Variants in LSM14A observed in about 807,000 individuals in gnomAD.
The protein encoded by LSM14A is protein LSM14 homolog A.
LSM14A carries 14 observed loss-of-function variants against 52.4 expected under a neutral mutation model. The observed-to-expected ratio is 0.27, with a 90% confidence interval of 0.18 to 0.42. The LOEUF (loss-of-function observed/expected upper bound fraction) is 0.42, where lower values mean the gene tolerates loss of function less well. Among genes scored for constraint, LSM14A ranks in the 10% least tolerant of loss-of-function variants. The probability of loss-of-function intolerance (pLI) is 1.00; values close to 1 mark genes in which losing one functional copy is unlikely to be tolerated. For synonymous variants in LSM14A, 185 were observed against 200.3 expected, an observed-to-expected ratio of 0.92 and a Z score of 0.64; for missense variants, 417 against 581.8, an observed-to-expected ratio of 0.72 and a Z score of 2.91.
chr19:34,196,662 T>G lies in LSM14A; in HGVS notation c.314T>G (p.Phe105Cys). ...TCACTAGGCTCATCGACTTCTTCAT[T>G]CCAGTCCATGGGTTCTTATGGACCT... ...QSSLGSSTSS[F>C]QSMGSYGPFG... The change falls in exon 3 of 10, where the codon TTC becomes TGC. Residue 105 changes from phenylalanine to cysteine, a missense_variant. Transcript: ENST00000544216. 1 of 1,612,414 alleles carries G rather than the reference T, an allele frequency of 6.2e-7. No individual in the cohort carries two copies. Among genetic ancestry groups the G allele is most frequent in the South Asian group, 1.1e-5 (1 of 90,726 alleles).
Position 34,196,717 on chromosome 19 carries a change from C to G in LSM14A, c.369C>G (p.Phe123Leu). 1 of 1,613,428 alleles carries G rather than the reference C, an allele frequency of 6.2e-7. No individual in the cohort carries two copies. Among genetic ancestry groups the G allele is most frequent in the Non-Finnish European group, 8.5e-7 (1 of 1,179,856 alleles). Reference sequence around the variant, plus strand: ...GCAGGATGCCCACATACAGTCAGTTCAGTCCGAGTTCCTTAGTTGGGCAGC... The same window carrying G: ...GCAGGATGCCCACATACAGTCAGTTGAGTCCGAGTTCCTTAGTTGGGCAGC... Reference protein sequence around the residue: ...PFGRMPTYSQFSPSSLVGQQF... With the variant: ...PFGRMPTYSQLSPSSLVGQQF... The change falls in exon 3 of 10, where the codon TTC becomes TTG. Residue 123 changes from phenylalanine to leucine, a missense_variant. Phe to Leu is a conservative substitution (Grantham distance 22). Transcript: ENST00000544216.
rs777688976 is a variant in LSM14A at position 34,194,672 on chromosome 19, A to G, written c.285+31A>G. ...TGATGGTAAATTTGTCTTGGAGTAC[A>G]GGTAAACTCCGCACAGGGTTAGCCT... is the stretch of plus-strand genomic sequence containing the variant. On this transcript the variant is annotated intron_variant, in intron 2 of 9. Coordinates refer to ENST00000544216, the MANE Select transcript of LSM14A (RefSeq NM_015578.4). The G allele has an allele frequency of 6.2e-6, 10 of 1,609,206 alleles. No homozygotes were observed. The African/African-American group carries it at 1.2e-4, about 19-fold the overall frequency.
rs71165635 is a variant in LSM14A at position 34,227,790 on chromosome 19, T to TTGTGTG, written c.*436_*441dup. 3,029 of 152,398 alleles carry TTGTGTG rather than the reference T, an allele frequency of 0.02. 46 individuals are homozygous for TTGTGTG. The highest frequency in any genetic ancestry group is 0.032 in the African/African-American group (1,161 of 36,554). 9.4% of individuals were successfully genotyped at this position (152,398 alleles called of 1,614,324 possible). Reference sequence around the variant, plus strand: ...ATACTGTGTTTTGAGCCACAGAAGGTTGTGTGTGTGTGTGTGTGTGTGTGT... The same window carrying TTGTGTG: ...ATACTGTGTTTTGAGCCACAGAAGGTTGTGTGTGTGTGTGTGTGTGTGTGTGTGTGT... On this transcript the variant is annotated 3_prime_UTR_variant, in exon 10 of 10. Coordinates refer to ENST00000544216, the MANE Select transcript of LSM14A (RefSeq NM_015578.4).
At chr19:34,198,904 G>A (rs1205331752) in intron 3 of LSM14A, among the ~76,000 whole-genome samples, 3 of 151,850 alleles carry the variant, frequency 2.0e-5, no homozygotes, top group Admixed American at 6.5e-5. Flanking sequence ...GGAGCATGGC[G>A]TGAACCCAGG....
chr19:34,180,301 G>A (rs1477586453), intron 1 of LSM14A, among the ~76,000 whole-genome samples: 2 of 152,154 alleles, frequency 1.3e-5, no homozygotes, highest in African/African-American at 2.4e-5. Context: ...GTTTTGTAGG[G>A]TTTTTTGTTT....
intron 9 of LSM14A, chr19:34,226,342 T>C: frequency 1.4e-6 from 2 of 1,421,650 alleles, no homozygotes; most frequent in African/African-American, 2.9e-5. Context: ...TTTCATTTTC[T>C]CCTTTCTCCC....
chr19:34,226,382 T>C, intron 9 of LSM14A: 2 of 1,439,428 alleles, frequency 1.4e-6, no homozygotes, highest in Admixed American at 2.5e-5. Context: ...TCTCTTTTTT[T>C]TTTTTTTTTT....
Position 34,221,349 on chromosome 19 carries a change from T to G in LSM14A, c.1137-158T>G, listed in dbSNP as rs1282534953. ...CCGCCCCCTCGGCCTCCCAAAGTGCTGGGATTACAGGCGTGAGCCATCACG... is the reference window on the plus strand; with the variant it reads ...CCGCCCCCTCGGCCTCCCAAAGTGCGGGGATTACAGGCGTGAGCCATCACG... On this transcript the variant is annotated intron_variant, in intron 8 of 9. Transcript: ENST00000544216. 6 of 819,188 alleles carry G rather than the reference T, an allele frequency of 7.3e-6. No individual in the cohort carries two copies. In the South Asian group the frequency reaches 1.0e-4, roughly 14 times the overall value. The allele number at this position is 819,188 out of a possible 1,614,324, so 50.7% of individuals were successfully genotyped here.
Position 34,172,569 on chromosome 19 carries a change from G to A in LSM14A, c.-74G>A, listed in dbSNP as rs1273047469. The A allele has an allele frequency of 4.2e-6, 6 of 1,432,106 alleles. No individual in the cohort carries two copies. Among genetic ancestry groups the A allele is most frequent in the Non-Finnish European group, 9.2e-7 (1 of 1,090,804 alleles). 88.7% of individuals were successfully genotyped at this position (1,432,106 alleles called of 1,614,324 possible). ...TGCTGTAGGCGCCGACGGAGCGAGCGGGCGTGCGGAGCGGGCGACAGTGGC... is the reference window on the plus strand; with the variant it reads ...TGCTGTAGGCGCCGACGGAGCGAGCAGGCGTGCGGAGCGGGCGACAGTGGC... On this transcript the variant is annotated 5_prime_UTR_variant, in exon 1 of 10. Transcript: ENST00000544216.
intron 6 of LSM14A, among the ~76,000 whole-genome samples, chr19:34,217,912 A>G (rs1164474045): frequency 1.3e-5 from 2 of 151,682 alleles, no homozygotes; most frequent in Admixed American, 1.3e-4. Context: ...ACCCCACCAA[A>G]GAGGTTCATT....
chr19:34,219,706 A>G lies in LSM14A; in HGVS notation c.965A>G (p.Glu322Gly). The change falls in exon 8 of 10, where the codon GAA (glutamate) becomes GGA (glycine). Residue 322 changes from glutamate to glycine, a missense_variant and splice_region_variant. This residue lies in a region of LSM14A where 357 missense variants were observed against 457.0 expected (regional missense o/e 0.78). Coordinates refer to ENST00000544216, the MANE Select transcript of LSM14A (RefSeq NM_015578.4). The part of the protein sequence containing the change: ...REFHNKLKLK[E>G]DKLEKQEKPV... ...TTCTGATATGTGCTTTTGTTCTTAG[A>G]AGATAAACTTGAGAAACAGGAGAAG... 1 of 1,604,500 alleles carries G rather than the reference A, an allele frequency of 6.2e-7. No homozygotes were observed. The highest frequency in any genetic ancestry group is 8.5e-7 in the Non-Finnish European group (1 of 1,177,414).
chr19:34,182,252 T>G (rs191746399), intron 1 of LSM14A, among the ~76,000 whole-genome samples: 4 of 152,362 alleles, frequency 2.6e-5, no homozygotes, highest in East Asian at 3.9e-4. Context: ...ACAAATTTTC[T>G]TAGTGAACCT....
At position 34,178,177 on chromosome 19, in the gene LSM14A, CAAAAT is replaced by C. The variant is rs1297985282; in HGVS notation, c.121+5417_121+5421del. The stretch of plus-strand genomic sequence containing the variant: ...CTCTGTCTCAAAAAAAAAAAAAACA[CAAAAT>C]AATAATAATAATCTGTTTTCTCTTT... On this transcript the variant is annotated intron_variant, in intron 1 of 9. Transcript: ENST00000544216. Among the ~76,000 whole-genome samples the C allele has an allele frequency of 8.1e-4, 92 of 114,240 alleles. 1 individual carries two copies. Among genetic ancestry groups the C allele is most frequent in the African/African-American group, 2.8e-3 (82 of 29,310 alleles). 74.9% of individuals were successfully genotyped at this position (114,240 alleles called of 152,430 possible).
At chr19:34,183,310 TG>T (rs2069636579) in intron 1 of LSM14A, among the ~76,000 whole-genome samples, 1 of 152,032 alleles carries the variant, frequency 6.6e-6, no homozygotes, top group African/African-American at 2.4e-5. Context: ...CCCAGCACTT[TG>T]GGAGGCCGAG....
At chr19:34,197,202 G>A (rs533543137) in intron 3 of LSM14A, among the ~76,000 whole-genome samples, 1 of 151,504 alleles carries the variant, frequency 6.6e-6, no homozygotes, top group South Asian at 2.1e-4. Flanking sequence ...AGCAATTCTC[G>A]TGCCTCAGCC....
intron 4 of LSM14A, 28 bp downstream of exon 4, chr19:34,209,079 C>G (rs1385186925): frequency 2.0e-6 from 3 of 1,519,576 alleles, no homozygotes; most frequent in Admixed American, 2.0e-5. Flanking sequence ...TAAAATATTT[C>G]CATTCTAAAC....
In LSM14A at chr19:34,219,454, T is replaced by C; in HGVS notation, c.845T>C (p.Phe282Ser). Reference protein sequence around the residue: ...RGGHRGGRGRFGIRRDGPMKF... With the variant: ...RGGHRGGRGRSGIRRDGPMKF... ...GGTCATCGGGGTGGCAGGGGAAGATTTGGTATTCGGCGAGATGGGCCAATG... is the reference window on the plus strand; with the variant it reads ...GGTCATCGGGGTGGCAGGGGAAGATCTGGTATTCGGCGAGATGGGCCAATG... Residue 282 changes from phenylalanine to serine, a missense_variant, in exon 7 of 10, where the codon TTT becomes TCT. Physicochemically the swap from Phe to Ser is radical, Grantham distance 155. Coordinates refer to ENST00000544216, the MANE Select transcript of LSM14A (RefSeq NM_015578.4). 6.2e-7 allele frequency: 1 copy of C among 1,613,974 alleles called. No individual in the cohort carries two copies. Among genetic ancestry groups the C allele is most frequent in the Non-Finnish European group, 8.5e-7 (1 of 1,179,980 alleles).
chr19:34,185,224 C>A (rs2069804674), intron 1 of LSM14A, among the ~76,000 whole-genome samples: 1 of 152,140 alleles, frequency 6.6e-6, no homozygotes, highest in South Asian at 2.1e-4. Context: ...TGGGTTATGA[C>A]CTCTGGAAGT....
Position 34,192,632 on chromosome 19 carries a change from CAAAAAAAAAAAAA to C in LSM14A, c.122-1823_122-1811del, listed in dbSNP as rs548374017. ...GGCATGAGGCGCTGCATCAGTTCTG[CAAAAAAAAAAAAA>C]AAAAAAAAAAAAAAAAAAAAAAGCG... On this transcript the variant is annotated intron_variant, in intron 1 of 9. Coordinates refer to ENST00000544216, the MANE Select transcript of LSM14A (RefSeq NM_015578.4). Among the ~76,000 whole-genome samples the C allele has an allele frequency of 7.4e-4, 57 of 76,944 alleles. No individual in the cohort carries two copies. In the East Asian group the frequency reaches 8.3e-3, roughly 11 times the overall value. The allele number at this position is 76,944 out of a possible 152,430, so 50.5% of individuals were successfully genotyped here.
Sources: allele counts gnomAD v4.1 joint callset (sites outside exome capture counted in the v4.1 genomes callset), GRCh38; gene constraint gnomAD v4.1.1; regional missense constraint gnomAD v4.1.1; transcripts MANE v1.5; gene names NCBI Gene and HGNC (gene_info 2026-07-23, HGNC 2026-07-21).